SMYD4: variants seen among roughly 807,000 people sequenced by gnomAD.
SMYD4 encodes the protein SET and MYND domain containing 4, also known as protein-lysine N-methyltransferase SMYD4.
Under a neutral mutation model 72.8 loss-of-function variants are expected in SMYD4, and 68 were observed. The ratio of observed to expected loss-of-function variants is 0.93; its 90% CI spans 0.77 to 1.14. The LOEUF (loss-of-function observed/expected upper bound fraction) is 1.14, where lower values mean the gene tolerates loss of function less well. Among genes scored for constraint, SMYD4 ranks in the 50% most tolerant of loss-of-function variants. The pLI, the probability that SMYD4 is intolerant of heterozygous loss-of-function variation, is 0.00. For synonymous variants in SMYD4, 407 were observed against 388.6 expected, an observed-to-expected ratio of 1.05 and a Z score of -0.56; for missense variants, 984 against 1,003.7, an observed-to-expected ratio of 0.98 and a Z score of 0.27.
At chr17:1,815,874 C>G (rs1910567437) in intron 2 of SMYD4, among the ~76,000 whole-genome samples, 1 of 151,514 alleles carries the variant, frequency 6.6e-6, no homozygotes, top group Admixed American at 6.6e-5. Context: ...TAATTTTTGT[C>G]TTTTTAGGAG....
intron 3 of SMYD4, among the ~76,000 whole-genome samples, chr17:1,808,348 G>A (rs1012779176): frequency 1.3e-5 from 2 of 152,038 alleles, no homozygotes; most frequent in Non-Finnish European, 2.9e-5. Context: ...ATCAATTGTC[G>A]AAGGAAAAAA....
At chr17:1,787,862 CAAAGATAAGAACTTAT>C (rs1449737375) in intron 5 of SMYD4, among the ~76,000 whole-genome samples, 2 of 152,060 alleles carry the variant, frequency 1.3e-5, no homozygotes, top group African/African-American at 2.4e-5. Context: ...ACGAAATAGC[CAAAGATAAGAACTTAT>C]AAAGAAGTAA....
chr17:1,819,239 C>T (rs1054644349), intron 2 of SMYD4, among the ~76,000 whole-genome samples: 2 of 152,068 alleles, frequency 1.3e-5, no homozygotes, highest in Non-Finnish European at 2.9e-5. Context: ...TGCCTGTAAT[C>T]CCAGCTACCC....
intron 5 of SMYD4, among the ~76,000 whole-genome samples, chr17:1,796,299 GTTTTTTT>G (rs35650939): frequency 9.1e-6 from 1 of 109,552 alleles, no homozygotes; most frequent in East Asian, 2.6e-4. Flanking sequence ...ATGCCTGGCT[GTTTTTTT>G]TTTTTTTTTT....
chr17:1,784,444 G>A lies in SMYD4; in HGVS notation c.1902C>T (p.Arg634=), dbSNP rs759866247. Residue 634 remains arginine (R), a synonymous_variant, in exon 8 of 11, where the codon CGC becomes CGT. Transcript: ENST00000305513. ...GAPMQGDDVL[R]CGSRSCAESA... is the part of the protein sequence containing the mutation. ...ATTCTGCACAAGATCTGCTGCCACA[G>A]CGCAGCACGTCATCTCCCTGTGGAA... The A allele has an allele frequency of 6.2e-7, 1 of 1,614,204 alleles. No individual in the cohort carries two copies. Among genetic ancestry groups the A allele is most frequent in the South Asian group, 1.1e-5 (1 of 91,080 alleles).
At chr17:1,806,224 T>C (rs557551497) in intron 3 of SMYD4, among the ~76,000 whole-genome samples, 5 of 152,176 alleles carry the variant, frequency 3.3e-5, no homozygotes, top group East Asian at 1.9e-4. Context: ...AACAAAACTA[T>C]AGAAGTGCTG....
At chr17:1,809,884 C>T (rs971905170) in intron 3 of SMYD4, among the ~76,000 whole-genome samples, 2 of 151,338 alleles carry the variant, frequency 1.3e-5, no homozygotes, top group Admixed American at 6.6e-5. Flanking sequence ...TTAGCCAGGA[C>T]GGTCTCAATC....
chr17:1,781,236 A>C lies in SMYD4; in HGVS notation c.*50T>G. On this transcript the variant is annotated 3_prime_UTR_variant, in exon 11 of 11. Transcript: ENST00000305513. ...ATACCTGGCCAGCAAAACCTCTTTA[A>C]CTTGTGTTCCATGGGCTCCTTTTCT... The C allele has an allele frequency of 6.3e-7, 1 of 1,586,102 alleles. No homozygotes were observed. The highest frequency in any genetic ancestry group is 8.6e-7 in the Non-Finnish European group (1 of 1,169,442).
At chr17:1,816,253 C>T (rs574184018) in intron 2 of SMYD4, among the ~76,000 whole-genome samples, 54 of 152,230 alleles carry the variant, frequency 3.5e-4, no homozygotes, top group African/African-American at 1.3e-3. Context: ...TTGTGTCTAA[C>T]TTATTTCACT....
intron 5 of SMYD4, among the ~76,000 whole-genome samples, chr17:1,794,077 A>ATGTGTG (rs1226059890): frequency 6.0e-4 from 26 of 43,644 alleles, no homozygotes; most frequent in African/African-American, 1.7e-3. Context: ...GTGTATATAT[A>ATGTGTG]TGTGTATATA....
intron 7 of SMYD4, among the ~76,000 whole-genome samples, chr17:1,784,790 A>G (rs1019487777): frequency 6.6e-6 from 1 of 151,440 alleles, no homozygotes; most frequent in Non-Finnish European, 1.5e-5. Flanking sequence ...CTTTTTTTTG[A>G]GATGGAGTCT....
chr17:1,823,799 C>T (rs761704683), intron 2 of SMYD4, among the ~76,000 whole-genome samples: 6 of 152,226 alleles, frequency 3.9e-5, no homozygotes, highest in South Asian at 2.1e-4. Flanking sequence ...GAAAGACAGC[C>T]TCTTCCCCTG....
intron 3 of SMYD4, among the ~76,000 whole-genome samples, chr17:1,806,627 A>G (rs940903512): frequency 3.9e-5 from 6 of 152,230 alleles, no homozygotes; most frequent in Admixed American, 3.3e-4. Flanking sequence ...TTTACCTATC[A>G]GGCAAAGCAA....
At chr17:1,794,090 T>TGTATAG (rs1909245008) in intron 5 of SMYD4, among the ~76,000 whole-genome samples, 1 of 17,830 alleles carries the variant, frequency 5.6e-5, no homozygotes, top group Non-Finnish European at 1.5e-4. Context: ...TGTATATATA[T>TGTATAG]ATATATATAT....
chr17:1,784,246 G>A, intron 8 of SMYD4, 80 bp downstream of exon 8: 2 of 1,592,308 alleles, frequency 1.3e-6, no homozygotes, highest in South Asian at 1.1e-5. Context: ...CATCAGTACT[G>A]AGTATCCCTG....
At chr17:1,782,824 T>G (rs1597362700) in intron 10 of SMYD4, 1 of 522,026 alleles carries the variant, frequency 1.9e-6, no homozygotes, top group Non-Finnish European at 3.1e-6. Context: ...TACAGTGCAG[T>G]GGCGCGATCT....
intron 2 of SMYD4, among the ~76,000 whole-genome samples, chr17:1,815,543 T>TA (rs957898973): frequency 2.1e-5 from 3 of 145,028 alleles, no homozygotes; most frequent in Non-Finnish European, 4.5e-5. Flanking sequence ...AATATTATGA[T>TA]AAAAAAATTG....
chr17:1,827,877 A>G lies in SMYD4; in HGVS notation c.118T>C (p.Ser40Pro). The G allele has an allele frequency of 6.2e-7, 1 of 1,607,504 alleles. No individual in the cohort carries two copies. The highest frequency in any genetic ancestry group is 8.5e-7 in the Non-Finnish European group (1 of 1,174,356). The part of the protein sequence containing the change: ...AETLRDIFLH[S>P]SSLLQPEDEL... The stretch of plus-strand genomic sequence containing the variant: ...TTTACTTACTGAAGAAGTGAAGAGG[A>G]GTGAAGAAAGATATCCCTCAAGGTC... Residue 40 changes from serine to proline, a missense_variant, in exon 2 of 11, where the codon TCC becomes CCC. Physicochemically the swap from Ser to Pro is moderately conservative, Grantham distance 74 (BLOSUM62 -1). Transcript: ENST00000305513.
At chr17:1,791,747 C>T (rs1457331154) in intron 5 of SMYD4, among the ~76,000 whole-genome samples, 1 of 152,056 alleles carries the variant, frequency 6.6e-6, no homozygotes, top group Non-Finnish European at 1.5e-5. Flanking sequence ...TGAGGCTGGG[C>T]GCAGTGGCTC....
Sources: allele counts gnomAD v4.1 joint callset (sites outside exome capture counted in the v4.1 genomes callset), GRCh38; gene constraint gnomAD v4.1.1; transcripts MANE v1.5; gene names NCBI Gene and HGNC (gene_info 2026-07-23, HGNC 2026-07-21).